HCN1: variants seen among roughly 807,000 people sequenced by gnomAD.
The protein encoded by HCN1 is hyperpolarization activated cyclic nucleotide gated potassium channel 1, also known as potassium/sodium hyperpolarization-activated cyclic nucleotide-gated channel 1.
HCN1 carries 13 observed loss-of-function variants against 78.9 expected under a neutral mutation model. The observed-to-expected ratio is 0.16, with a 90% confidence interval of 0.11 to 0.26. The LOEUF (loss-of-function observed/expected upper bound fraction) is 0.26. Ranked by LOEUF, HCN1 falls within the 10% of genes least tolerant of loss-of-function variation. The probability of loss-of-function intolerance (pLI) is 1.00; values close to 1 mark genes in which losing one functional copy is unlikely to be tolerated. For synonymous variants in HCN1, 552 were observed against 455.5 expected (o/e 1.21, Z -2.70); for missense variants, 810 against 1,154.3 (o/e 0.70, Z 4.32).
At chr5:45,583,643 G>C (rs892008638) in intron 2 of HCN1, among the ~76,000 whole-genome samples, 15 of 152,120 alleles carry the variant, frequency 9.9e-5, no homozygotes, top group Admixed American at 9.8e-4. Flanking sequence ...GATCTTTCCT[G>C]CTTTCTCTTG....
intron 4 of HCN1, among the ~76,000 whole-genome samples, chr5:45,388,021 T>C (rs1305465511): frequency 6.6e-6 from 1 of 152,156 alleles, no homozygotes; most frequent in African/African-American, 2.4e-5. Context: ...AACAAAAATA[T>C]GGATAAGAGG....
chr5:45,558,809 C>T (rs981420105), intron 2 of HCN1: 2 of 151,906 alleles, frequency 1.3e-5, no homozygotes, highest in Admixed American at 1.3e-4. Flanking sequence ...TGCTCTGTCA[C>T]CCAGGCTAGA....
At chr5:45,453,033 G>A (rs568090454) in intron 3 of HCN1, among the ~76,000 whole-genome samples, 174 of 152,096 alleles carry the variant, frequency 1.1e-3, no homozygotes, top group African/African-American at 4.1e-3. Flanking sequence ...ATAAAAATGA[G>A]ATGGAATAGA....
intron 2 of HCN1, among the ~76,000 whole-genome samples, chr5:45,547,577 A>G (rs546522768): frequency 6.6e-6 from 1 of 151,964 alleles, no homozygotes; most frequent in African/African-American, 2.4e-5. Context: ...TTCCTTATCT[A>G]TATTTAACAG....
chr5:45,276,608 C>T (rs1486208118), intron 6 of HCN1, among the ~76,000 whole-genome samples: 1 of 151,994 alleles, frequency 6.6e-6, no homozygotes, highest in Non-Finnish European at 1.5e-5. Flanking sequence ...CAACCTGTAC[C>T]TTAGGCAATT....
chr5:45,293,976 A>T (rs1745433628), intron 6 of HCN1, among the ~76,000 whole-genome samples: 1 of 151,900 alleles, frequency 6.6e-6, no homozygotes, highest in African/African-American at 2.4e-5. Context: ...ATTAAAAAAA[A>T]CTCCATAAGG....
intron 4 of HCN1, among the ~76,000 whole-genome samples, chr5:45,357,444 C>T (rs1435898336): frequency 1.3e-5 from 2 of 151,954 alleles, no homozygotes; most frequent in Admixed American, 6.6e-5. Context: ...CTCTATATTT[C>T]CCCAACATTT....
intron 2 of HCN1, among the ~76,000 whole-genome samples, chr5:45,469,057 T>A (rs1561166609): frequency 6.6e-6 from 1 of 151,996 alleles, no homozygotes; most frequent in East Asian, 1.9e-4. Context: ...GACATTTTGG[T>A]ATAGTTATAT....
intron 2 of HCN1, chr5:45,559,389 A>G (rs1743549190): frequency 6.6e-6 from 1 of 152,202 alleles, no homozygotes; most frequent in African/African-American, 2.4e-5. Context: ...AACCTTCTGG[A>G]AAGAATTCAC....
At chr5:45,610,940 T>A (rs2111978028) in intron 2 of HCN1, among the ~76,000 whole-genome samples, 1 of 152,260 alleles carries the variant, frequency 6.6e-6, no homozygotes, top group East Asian at 1.9e-4. Context: ...TTATTTTGGA[T>A]TTGTTTAATA....
At chr5:45,308,624 T>A (rs866991247) in intron 5 of HCN1, among the ~76,000 whole-genome samples, 1 of 152,150 alleles carries the variant, frequency 6.6e-6, no homozygotes, top group Non-Finnish European at 1.5e-5. Context: ...ACAAATTGTA[T>A]ATATATCATG....
At chr5:45,312,875 G>T (rs531014068) in intron 5 of HCN1, among the ~76,000 whole-genome samples, 2 of 152,268 alleles carry the variant, frequency 1.3e-5, no homozygotes, top group South Asian at 2.1e-4. Context: ...CTGGAGGCTC[G>T]ACCTGCATGG....
chr5:45,530,827 A>C (rs766085658), intron 2 of HCN1, among the ~76,000 whole-genome samples: 4 of 152,182 alleles, frequency 2.6e-5, no homozygotes, highest in Non-Finnish European at 5.9e-5. Flanking sequence ...CATAAATGAT[A>C]GAATGGACAA....
chr5:45,426,338 C>T (rs1176522213), intron 3 of HCN1, among the ~76,000 whole-genome samples: 1 of 152,132 alleles, frequency 6.6e-6, no homozygotes, highest in Non-Finnish European at 1.5e-5. Context: ...AGAACTTAAA[C>T]AAACAGGATA....
intron 7 of HCN1, among the ~76,000 whole-genome samples, chr5:45,264,236 C>G (rs1169264743): frequency 6.6e-6 from 1 of 152,168 alleles, no homozygotes; most frequent in Non-Finnish European, 1.5e-5. Context: ...TTACCTTTTC[C>G]TGCCATCATC....
chr5:45,493,666 T>C lies in HCN1; in HGVS notation c.850-31659A>G, dbSNP rs1024472854. On this transcript the variant is annotated intron_variant, in intron 2 of 7. Transcript: ENST00000303230. ...GCACAATGTGCAGGTTAGTTACATA[T>C]GTATACATGTGCCATGCTGGTGCGC... Among the ~76,000 whole-genome samples, 559 of 151,978 alleles carry C rather than the reference T, an allele frequency of 3.7e-3. 3 individuals carry two copies. The highest frequency in any genetic ancestry group is 0.013 in the African/African-American group (539 of 41,416).
chr5:45,372,099 T>A (rs866671393), intron 4 of HCN1, among the ~76,000 whole-genome samples: 5 of 55,122 alleles, frequency 9.1e-5, no homozygotes, highest in East Asian at 7.0e-4. Flanking sequence ...ATATATATAT[T>A]TTATATATAA....
At chr5:45,665,106 T>C (rs1162017560) in intron 1 of HCN1, among the ~76,000 whole-genome samples, 3 of 151,640 alleles carry the variant, frequency 2.0e-5, no homozygotes, top group Non-Finnish European at 2.9e-5. Context: ...CACCGTGGAA[T>C]ACTATGTAGC....
At chr5:45,656,118 C>T (rs981741784) in intron 1 of HCN1, among the ~76,000 whole-genome samples, 6 of 152,164 alleles carry the variant, frequency 3.9e-5, no homozygotes, top group Admixed American at 1.3e-4. Flanking sequence ...AAGACATGTT[C>T]GTAAATTGCA....
Sources: gnomAD v4.1 joint callset for allele counts (sites outside exome capture counted in the v4.1 genomes callset) on GRCh38, gnomAD v4.1.1 for gene constraint, MANE v1.5 for transcripts, NCBI Gene and HGNC (gene_info 2026-07-23, HGNC 2026-07-21) for gene names.